NDUFAF6: variants seen among roughly 807,000 people sequenced by gnomAD.
NDUFAF6 encodes NADH dehydrogenase (ubiquinone) complex I, assembly factor 6.
A neutral mutation model predicts 40.8 loss-of-function variants in NDUFAF6; 45 were observed. That is an observed-to-expected ratio of 1.10 (90% CI 0.87 to 1.42). NDUFAF6 has a LOEUF of 1.42. NDUFAF6 is among the 40% of genes most tolerant of loss of function. The pLI is 0.00. For missense variants in NDUFAF6, 435 were observed against 418.5 expected, an observed-to-expected ratio of 1.04 and a Z score of -0.34; for synonymous variants, 185 against 155.9, an observed-to-expected ratio of 1.19 and a Z score of -1.39.
chr8:95,107,272 G>A (rs1255902694), downstream of NDUFAF6, among the ~76,000 whole-genome samples: 1 of 151,948 alleles, frequency 6.6e-6, no homozygotes, highest in Non-Finnish European at 1.5e-5. Flanking sequence ...AGCAAATGTG[G>A]CTGCACCATG....
At chr8:95,045,337 T>A (rs1329753071) in intron 4 of NDUFAF6, among the ~76,000 whole-genome samples, 1 of 152,212 alleles carries the variant, frequency 6.6e-6, no homozygotes, top group Non-Finnish European at 1.5e-5. Flanking sequence ...ATATTGAGGT[T>A]ATTCCTGATG....
intron 1 of NDUFAF6, among the ~76,000 whole-genome samples, chr8:94,922,212 G>A (rs752591123): frequency 6.6e-6 from 1 of 151,908 alleles, no homozygotes; most frequent in Non-Finnish European, 1.5e-5. Context: ...AGGTTTCACC[G>A]TGTTAGCCAG....
intron 4 of NDUFAF6, chr8:95,044,476 G>C (rs1830508522): frequency 9.0e-6 from 1 of 111,696 alleles, no homozygotes; most frequent in Non-Finnish European, 1.7e-5. Flanking sequence ...TTTTGAGACA[G>C]AGTCTCACTC....
At chr8:94,897,441 T>G (rs1020432094) in intron 1 of NDUFAF6, among the ~76,000 whole-genome samples, 6 of 152,104 alleles carry the variant, frequency 3.9e-5, no homozygotes, top group African/African-American at 1.4e-4. Flanking sequence ...AAATAAAGGG[T>G]AGGGGGCGGG....
chr8:95,104,367 A>G (rs1809752559), downstream of NDUFAF6, among the ~76,000 whole-genome samples: 1 of 152,156 alleles, frequency 6.6e-6, no homozygotes, highest in Non-Finnish European at 1.5e-5. Flanking sequence ...ATCTTCTGCA[A>G]TCCCCACTAC....
chr8:95,070,454 G>A (rs1262425692), intron 9 of NDUFAF6, among the ~76,000 whole-genome samples: 3 of 152,034 alleles, frequency 2.0e-5, no homozygotes, highest in African/African-American at 4.8e-5. Context: ...CTAACATTAA[G>A]CTTTGAAATT....
chr8:95,011,677 T>C (rs951366847), intron 2 of NDUFAF6, among the ~76,000 whole-genome samples: 6 of 152,200 alleles, frequency 3.9e-5, no homozygotes, highest in African/African-American at 1.2e-4. Flanking sequence ...GTGGGAATGG[T>C]ATAGAAGCTA....
At chr8:94,972,155 T>C (rs1159683895) in intron 1 of NDUFAF6, among the ~76,000 whole-genome samples, 1 of 152,234 alleles carries the variant, frequency 6.6e-6, no homozygotes, top group African/African-American at 2.4e-5. Flanking sequence ...AGCTACTTTC[T>C]GAAAAGTCCA....
chr8:94,896,272 C>T (rs909347428), intron 1 of NDUFAF6, among the ~76,000 whole-genome samples: 14 of 148,400 alleles, frequency 9.4e-5, no homozygotes, highest in Non-Finnish European at 1.5e-4. Context: ...CGCCCCGCCC[C>T]GCCGCCGCCG....
chr8:95,017,082 A>AC lies in NDUFAF6; in HGVS notation c.-83-14912dup, dbSNP rs571748582. ...CGAGTAGGTAGGACCACAGGTGTAC[A>AC]CTGCCATGCCCAGCTAATTTTTTTT... On this transcript the variant is annotated intron_variant, in intron 2 of 9. Transcript: ENST00000396111. Among the ~76,000 whole-genome samples the AC allele has an allele frequency of 2.9e-3, 428 of 147,194 alleles. 2 individuals are homozygous for AC. Among genetic ancestry groups the AC allele is most frequent in the Admixed American group, 4.3e-3 (63 of 14,684 alleles).
intron 1 of NDUFAF6, among the ~76,000 whole-genome samples, chr8:94,968,192 C>G (rs938836057): frequency 6.6e-6 from 1 of 152,114 alleles, no homozygotes; most frequent in African/African-American, 2.4e-5. Flanking sequence ...TTACTTTTAC[C>G]ATATTTTATT....
chr8:95,089,000 G>T (rs996101639), intron 2 of NDUFAF6, among the ~76,000 whole-genome samples: 1 of 151,774 alleles, frequency 6.6e-6, no homozygotes, highest in Non-Finnish European at 1.5e-5. Context: ...GACCTCAAAT[G>T]ATTCACTGGT....
intron 2 of NDUFAF6, among the ~76,000 whole-genome samples, chr8:95,082,279 C>A (rs1338775029): frequency 6.6e-6 from 1 of 151,986 alleles, no homozygotes; most frequent in East Asian, 1.9e-4. Flanking sequence ...GAGTTTGAGT[C>A]CAGCCTGGGC....
chr8:95,049,239 C>CTT (rs148054877), intron 7 of NDUFAF6, among the ~76,000 whole-genome samples: 4,615 of 152,182 alleles, frequency 0.03, 235 homozygotes, highest in African/African-American at 0.1. Context: ...CCATAGACGT[C>CTT]TCTCTCTGTG....
chr8:95,051,344 G>C (rs1020811185), intron 7 of NDUFAF6, among the ~76,000 whole-genome samples: 5 of 152,224 alleles, frequency 3.3e-5, no homozygotes, highest in African/African-American at 4.8e-5. Context: ...ATTTAAGAAA[G>C]AGGAGTATCA....
chr8:95,065,390 T>C (rs571967734), intron 9 of NDUFAF6, among the ~76,000 whole-genome samples: 110 of 152,332 alleles, frequency 7.2e-4, no homozygotes, highest in African/African-American at 2.6e-3. Context: ...GGGAAAAATT[T>C]CCACATATTT....
chr8:95,065,557 T>A (rs1832683614), intron 9 of NDUFAF6, among the ~76,000 whole-genome samples: 1 of 152,232 alleles, frequency 6.6e-6, no homozygotes, highest in Admixed American at 6.5e-5. Context: ...TATTCTTAAT[T>A]TTTCTGTAGA....
chr8:94,991,605 T>C (rs1324504250), intron 2 of NDUFAF6, among the ~76,000 whole-genome samples: 4 of 152,184 alleles, frequency 2.6e-5, no homozygotes, highest in Non-Finnish European at 5.9e-5. Context: ...TACTTCCTTT[T>C]CTCTAGATAA....
intron 7 of NDUFAF6, among the ~76,000 whole-genome samples, chr8:95,050,079 A>G (rs1433856675): frequency 6.6e-6 from 1 of 152,216 alleles, no homozygotes; most frequent in Non-Finnish European, 1.5e-5. Flanking sequence ...GAAATTACTT[A>G]GGACTAACTA....
Sources: allele counts gnomAD v4.1 joint callset (sites outside exome capture counted in the v4.1 genomes callset), GRCh38; gene constraint gnomAD v4.1.1; transcripts MANE v1.5; gene names NCBI Gene and HGNC (gene_info 2026-07-23, HGNC 2026-07-21).